The following IGF1R variants were observed in gnomAD, a reference collection of about 807,000 sequenced individuals.
IGF1R encodes the protein insulin like growth factor 1 receptor.
A neutral mutation model predicts 144.6 loss-of-function variants in IGF1R; 44 were observed. The ratio of observed to expected loss-of-function variants is 0.30; its 90% CI spans 0.24 to 0.39. The LOEUF (loss-of-function observed/expected upper bound fraction) is 0.39, where lower values mean the gene tolerates loss of function less well. Ranked by LOEUF, IGF1R falls within the 10% of genes least tolerant of loss-of-function variation. The pLI, the probability that IGF1R is intolerant of heterozygous loss-of-function variation, is 1.00. For synonymous variants in IGF1R, 795 were observed against 722.8 expected, an observed-to-expected ratio of 1.10 and a Z score of -1.60; for missense variants, 1,355 against 1,833.7, an observed-to-expected ratio of 0.74 and a Z score of 4.77.
At chr15:98,813,534 G>T (rs932711835) in intron 2 of IGF1R, among the ~76,000 whole-genome samples, 1 of 152,198 alleles carries the variant, frequency 6.6e-6, no homozygotes, top group African/African-American at 2.4e-5. Flanking sequence ...CTCTGCCTCA[G>T]GACCAACCTT....
chr15:98,918,140 T>C (rs1318272961), intron 10 of IGF1R, among the ~76,000 whole-genome samples: 3 of 152,200 alleles, frequency 2.0e-5, no homozygotes, highest in South Asian at 2.1e-4. Context: ...TGGCCCCCTC[T>C]TCCTGTAAGA....
intron 2 of IGF1R, among the ~76,000 whole-genome samples, chr15:98,849,485 T>G (rs2011462382): frequency 6.6e-6 from 1 of 152,218 alleles, no homozygotes; most frequent in Non-Finnish European, 1.5e-5. Flanking sequence ...GAGTTCCTTT[T>G]TATAACCTTG....
intron 2 of IGF1R, among the ~76,000 whole-genome samples, chr15:98,840,439 C>CT (rs1366057661): frequency 1.3e-5 from 2 of 152,116 alleles, no homozygotes; most frequent in Non-Finnish European, 2.9e-5. Flanking sequence ...AGAAAGTGTA[C>CT]TGGAGGCCTG....
At chr15:98,954,370 C>T (rs998098477) in intron 20 of IGF1R, 1 of 149,384 alleles carries the variant, frequency 6.7e-6, no homozygotes, top group Non-Finnish European at 1.5e-5. Context: ...AGGATGGCGC[C>T]AGCCTCCCCA....
At chr15:98,895,790 G>A (rs1002928067) in intron 3 of IGF1R, among the ~76,000 whole-genome samples, 3 of 152,200 alleles carry the variant, frequency 2.0e-5, no homozygotes, top group Non-Finnish European at 2.9e-5. Context: ...TTTACTTCAC[G>A]AAATTTGAGA....
intron 2 of IGF1R, among the ~76,000 whole-genome samples, chr15:98,812,959 C>T (rs980009150): frequency 2.0e-5 from 3 of 152,170 alleles, no homozygotes; most frequent in Non-Finnish European, 4.4e-5. Context: ...GTCTCTTAGG[C>T]TGTTCCAGTC....
At chr15:98,768,402 G>A (rs1327917619) in intron 2 of IGF1R, among the ~76,000 whole-genome samples, 3 of 151,610 alleles carry the variant, frequency 2.0e-5, no homozygotes, top group African/African-American at 4.9e-5. Context: ...GGATCATGCT[G>A]TCAGGAGATC....
At chr15:98,757,389 C>T (rs1042100402) in intron 2 of IGF1R, among the ~76,000 whole-genome samples, 10 of 152,136 alleles carry the variant, frequency 6.6e-5, no homozygotes, top group Admixed American at 1.3e-4. Context: ...GTCTCAAACT[C>T]CTGACCTCAA....
intron 10 of IGF1R, 101 bp downstream of exon 10, chr15:98,916,977 G>C: frequency 1.0e-6 from 1 of 997,284 alleles, no homozygotes; most frequent in Non-Finnish European, 1.6e-6. Context: ...GCAGCTGGGG[G>C]GTACAATACA....
At position 98,678,263 on chromosome 15, in the gene IGF1R, G is replaced by C. The variant is rs73473447; in HGVS notation, c.94+28588G>C. On this transcript the variant is annotated intron_variant, in intron 1 of 20. Transcript: ENST00000650285. ...GCTGTTTAAATTCCTAATTAAATTT[G>C]GTTTGCTAACATATTCAGATTTTTT... Among the ~76,000 whole-genome samples, 478 of 152,128 alleles carry C rather than the reference G, an allele frequency of 3.1e-3. 3 individuals carry two copies. The highest frequency in any genetic ancestry group is 0.011 in the African/African-American group (459 of 41,506).
chr15:98,663,259 AC>A lies in IGF1R; in HGVS notation c.94+13587del, dbSNP rs992116110. 3.0e-4 allele frequency among the ~76,000 whole-genome samples: 45 copies of A among 151,928 alleles called. 1 individual carries two copies. Among genetic ancestry groups the A allele is most frequent in the African/African-American group, 1.1e-3 (44 of 41,328 alleles). ...CAGTCCCAGTTGATGGAGAGGCAGG[AC>A]CCGCAAAACAGGTTGGCTGCAGGAC... is the stretch of plus-strand genomic sequence containing the variant. On this transcript the variant is annotated intron_variant, in intron 1 of 20. Transcript: ENST00000650285.
intron 7 of IGF1R, 101 bp downstream of exon 7, chr15:98,911,542 A>G: frequency 6.6e-7 from 1 of 1,508,032 alleles, no homozygotes; most frequent in East Asian, 2.3e-5. Context: ...ACAGGGGGTC[A>G]GCAGAGTCCC....
chr15:98,660,635 A>G (rs2052577374), intron 1 of IGF1R: 1 of 152,244 alleles, frequency 6.6e-6, no homozygotes, highest in Non-Finnish European at 1.5e-5. Context: ...TTACTGCTGC[A>G]TGGAACTTGA....
At chr15:98,878,863 G>C (rs1163128379) in intron 2 of IGF1R, among the ~76,000 whole-genome samples, 1 of 152,036 alleles carries the variant, frequency 6.6e-6, no homozygotes, top group Non-Finnish European at 1.5e-5. Flanking sequence ...GGGCGTGGTG[G>C]TGGGCGCCTA....
At position 98,741,439 on chromosome 15, in the gene IGF1R, T is replaced by A. The variant is rs906486305; in HGVS notation, c.640+33332T>A. 9.2e-5 allele frequency among the ~76,000 whole-genome samples: 14 copies of A among 152,252 alleles called. No homozygotes were observed. In the East Asian group the frequency reaches 1.9e-3, roughly 21 times the overall value. On this transcript the variant is annotated intron_variant, in intron 2 of 20. Transcript: ENST00000650285. ...CTGCCTGATTTGTGCTTTTTCTTCT[T>A]CAGCAGGTAGTGGGAGGCTGTGTAT...
At chr15:98,945,135 A>G (rs1265259902) in intron 19 of IGF1R, among the ~76,000 whole-genome samples, 1 of 152,256 alleles carries the variant, frequency 6.6e-6, no homozygotes, top group Non-Finnish European at 1.5e-5. Context: ...AACCAGACGA[A>G]GGACTGGGGA....
intron 1 of IGF1R, among the ~76,000 whole-genome samples, chr15:98,706,628 C>A (rs946819497): frequency 6.6e-6 from 1 of 151,376 alleles, no homozygotes; most frequent in Non-Finnish European, 1.5e-5. Context: ...TATTAATACT[C>A]TGGAACTACT....
intron 2 of IGF1R, among the ~76,000 whole-genome samples, chr15:98,780,611 G>A (rs570273249): frequency 3.3e-4 from 47 of 144,096 alleles, no homozygotes; most frequent in Admixed American, 1.1e-3. Flanking sequence ...AGGTGAATAT[G>A]TTATCTACTT....
chr15:98,705,812 T>TTG (rs2053848777), intron 1 of IGF1R, among the ~76,000 whole-genome samples: 1 of 152,222 alleles, frequency 6.6e-6, no homozygotes, highest in Non-Finnish European at 1.5e-5. Flanking sequence ...CTCAGGAGCC[T>TTG]TGTGGGGGCT....
Sources: gnomAD v4.1 joint callset for allele counts (sites outside exome capture counted in the v4.1 genomes callset) on GRCh38, gnomAD v4.1.1 for gene constraint, MANE v1.5 for transcripts, NCBI Gene and HGNC (gene_info 2026-07-23, HGNC 2026-07-21) for gene names.